NFAT5: variants seen among roughly 807,000 people sequenced by gnomAD.
NFAT5 encodes the protein nuclear factor of activated T-cells 5.
In NFAT5, 31 loss-of-function variants were observed where a neutral mutation model predicts 166.5. That is an observed-to-expected ratio of 0.19 (90% confidence interval 0.14 to 0.25). The LOEUF is 0.25. Ranked by LOEUF, NFAT5 falls within the 10% of genes least tolerant of loss-of-function variation. The pLI, the probability that NFAT5 is intolerant of heterozygous loss-of-function variation, is 1.00. For missense variants in NFAT5, 1,449 were observed against 1,821.8 expected (o/e 0.80, Z 3.72); for synonymous variants, 612 against 639.7 (o/e 0.96, Z 0.65).
chr16:69,640,228 T>TA (rs1274783371), intron 3 of NFAT5, among the ~76,000 whole-genome samples: 1 of 152,202 alleles, frequency 6.6e-6, no homozygotes, highest in Admixed American at 6.5e-5. Flanking sequence ...CAGAGACACT[T>TA]AACCCATCCA....
rs750546075 is a variant in NFAT5 at position 69,692,559 on chromosome 16, G to A, written c.2734G>A (p.Ala912Thr). The change falls in exon 13 of 15, where the codon GCC becomes ACC. Residue 912 changes from alanine to threonine, a missense_variant. Ala to Thr is a moderately conservative substitution (Grantham distance 58). Around this residue, in one of 7 missense-constraint regions of NFAT5, gnomAD observed 891 missense variants for 993.0 expected, o/e 0.90. Coordinates refer to ENST00000349945, the MANE Select transcript of NFAT5 (RefSeq NM_138713.4). The stretch of plus-strand genomic sequence containing the variant: ...GCAACAGCAAGTGATGGAATCTTCA[G>A]CCGCAATGGTGATGGAGATGCAACA... The part of the protein sequence containing the change: ...QQQQQVMESS[A>T]AMVMEMQQSI... The A allele has an allele frequency of 6.2e-7, 1 of 1,614,108 alleles. No homozygotes were observed. Among genetic ancestry groups the A allele is most frequent in the Non-Finnish European group, 8.5e-7 (1 of 1,180,028 alleles).
rs764724572 is a variant in NFAT5 at position 69,677,339 on chromosome 16, T to A, written c.1690+4T>A. The A allele has an allele frequency of 1.3e-6, 2 of 1,556,408 alleles. No homozygotes were observed. Among genetic ancestry groups the A allele is most frequent in the South Asian group, 2.5e-5 (2 of 80,954 alleles). On this transcript the variant is annotated splice_donor_region_variant and intron_variant, in intron 10 of 14. Coordinates refer to ENST00000349945, the MANE Select transcript of NFAT5 (RefSeq NM_138713.4). ...TTCACTTACACTCCAGACCCAGGTA[T>A]GTCAAAATGAAAAATTCAGAACTAA...
chr16:69,693,793 A>G lies in NFAT5; in HGVS notation c.3968A>G (p.Asn1323Ser), dbSNP rs754836325. 2 of 1,614,116 alleles carry G rather than the reference A, an allele frequency of 1.2e-6. No individual in the cohort carries two copies. Among genetic ancestry groups the G allele is most frequent in the Admixed American group, 3.3e-5 (2 of 60,000 alleles). ...QNPMANQEQQNQSIFHQQSNM... is the reference protein window; with the variant it reads ...QNPMANQEQQSQSIFHQQSNM... The stretch of plus-strand genomic sequence containing the variant: ...CCAATGGCTAATCAGGAGCAACAGA[A>G]CCAGTCAATTTTTCACCAACAAAGT... The change falls in exon 13 of 15, where the codon AAC becomes AGC. Residue 1323 changes from asparagine (N) to serine (S), a missense_variant. Physicochemically the swap from Asn to Ser is conservative, Grantham distance 46 (BLOSUM62 1). Coordinates refer to ENST00000349945, the MANE Select transcript of NFAT5 (RefSeq NM_138713.4).
chr16:69,596,627 A>C (rs2032806801), intron 2 of NFAT5, among the ~76,000 whole-genome samples: 1 of 151,388 alleles, frequency 6.6e-6, no homozygotes, highest in Non-Finnish European at 1.5e-5. Context: ...CTGACGCAGG[A>C]GAATCGCTTG....
At chr16:69,618,910 A>G (rs567387293) in intron 2 of NFAT5, among the ~76,000 whole-genome samples, 1 of 152,298 alleles carries the variant, frequency 6.6e-6, no homozygotes, top group African/African-American at 2.4e-5. Flanking sequence ...AAGCATTCCC[A>G]ACACAAAGGA....
chr16:69,686,880 C>G (rs1003722178), intron 11 of NFAT5, among the ~76,000 whole-genome samples: 1 of 123,534 alleles, frequency 8.1e-6, no homozygotes, highest in African/African-American at 3.4e-5. Flanking sequence ...ATATATAAAT[C>G]ACATATGAGA....
intron 2 of NFAT5, among the ~76,000 whole-genome samples, chr16:69,605,085 T>G (rs2033334974): frequency 6.6e-6 from 1 of 152,238 alleles, no homozygotes; most frequent in African/African-American, 2.4e-5. Context: ...AGAAGTTTTC[T>G]TTTTTAAAGG....
intron 6 of NFAT5, among the ~76,000 whole-genome samples, chr16:69,657,410 G>A (rs1281945358): frequency 2.0e-5 from 3 of 151,586 alleles, no homozygotes; most frequent in Non-Finnish European, 2.9e-5. Flanking sequence ...GATTACAGGC[G>A]TGAGCCACCG....
chr16:69,666,902 G>A (rs2036405698), intron 7 of NFAT5, among the ~76,000 whole-genome samples: 3 of 152,048 alleles, frequency 2.0e-5, no homozygotes, highest in Admixed American at 1.3e-4. Flanking sequence ...ATTCACAATA[G>A]CAAAGACTTG....
At position 69,701,366 on chromosome 16, in the gene NFAT5, T is replaced by A. The variant is rs2037895660; in HGVS notation, c.*5015T>A. The A allele has an allele frequency of 6.6e-6, 1 of 152,606 alleles. No individual in the cohort carries two copies. 9.5% of individuals were successfully genotyped at this position (152,606 alleles called of 1,614,324 possible). A position where few individuals can be genotyped will look rare whatever the true frequency, so the allele number is the denominator to read the frequency against. Reference sequence around the variant, plus strand: ...TTTAAATTAATATTTTATATCTAGATCTAATGCTATGGAAAAGTGCCTTTT... The same window carrying A: ...TTTAAATTAATATTTTATATCTAGAACTAATGCTATGGAAAAGTGCCTTTT... On this transcript the variant is annotated 3_prime_UTR_variant, in exon 15 of 15. Coordinates refer to ENST00000349945, the MANE Select transcript of NFAT5 (RefSeq NM_138713.4).
intron 2 of NFAT5, among the ~76,000 whole-genome samples, chr16:69,596,400 T>C (rs1441162351): frequency 1.3e-5 from 2 of 152,102 alleles, no homozygotes; most frequent in Admixed American, 6.5e-5. Flanking sequence ...TTGACACTGT[T>C]AGTCATTAGA....
At chr16:69,582,728 GTCTA>G (rs1171407918) in intron 2 of NFAT5, among the ~76,000 whole-genome samples, 5 of 143,750 alleles carry the variant, frequency 3.5e-5, no homozygotes, top group African/African-American at 1.3e-4. Context: ...TTATCTGTAT[GTCTA>G]TCCTGTGTCA....
At chr16:69,609,843 A>G (rs1174183624) in intron 2 of NFAT5, among the ~76,000 whole-genome samples, 1 of 149,380 alleles carries the variant, frequency 6.7e-6, no homozygotes, top group Non-Finnish European at 1.5e-5. Context: ...AAAAAAAAAG[A>G]AAAAAGAAAA....
At chr16:69,600,536 G>A (rs979244385) in intron 2 of NFAT5, among the ~76,000 whole-genome samples, 5 of 151,964 alleles carry the variant, frequency 3.3e-5, no homozygotes, top group African/African-American at 4.8e-5. Flanking sequence ...AGTTTTGGAG[G>A]AGCAGTGAAG....
At chr16:69,594,668 C>T (rs1409295670) in intron 2 of NFAT5, among the ~76,000 whole-genome samples, 1 of 152,040 alleles carries the variant, frequency 6.6e-6, no homozygotes, top group Non-Finnish European at 1.5e-5. Flanking sequence ...TACATACATA[C>T]CTGTGATAAA....
chr16:69,604,323 A>G lies in NFAT5; in HGVS notation c.128-22080A>G, dbSNP rs539654002. Among the ~76,000 whole-genome samples, 4 of 152,320 alleles carry G rather than the reference A, an allele frequency of 2.6e-5. No homozygotes were observed. In the South Asian group the frequency reaches 6.2e-4, roughly 24 times the overall value. On this transcript the variant is annotated intron_variant, in intron 2 of 14. Coordinates refer to ENST00000349945, the MANE Select transcript of NFAT5 (RefSeq NM_138713.4). ...GCTCTTGGTACCTTGTAGGTGCTCA[A>G]TTGAATTTTCTTTTATAATGGGCAG...
chr16:69,655,014 G>C (rs1002971451), intron 5 of NFAT5, among the ~76,000 whole-genome samples: 1 of 152,000 alleles, frequency 6.6e-6, no homozygotes, highest in Non-Finnish European at 1.5e-5. Flanking sequence ...ATTTATGAAG[G>C]CTTGCTAGAG....
chr16:69,663,564 TAAAAA>T (rs60161117), intron 7 of NFAT5, among the ~76,000 whole-genome samples: 1 of 91,986 alleles, frequency 1.1e-5, no homozygotes, highest in Non-Finnish European at 2.2e-5. Context: ...CCCATCTCTT[TAAAAA>T]AAAAAAAAAA....
chr16:69,641,279 A>T (rs1272887526), intron 3 of NFAT5, among the ~76,000 whole-genome samples: 1 of 48,984 alleles, frequency 2.0e-5, no homozygotes. Flanking sequence ...CTCCGTCTCA[A>T]AAAAAAAAAA....
Sources: allele counts gnomAD v4.1 joint callset (sites outside exome capture counted in the v4.1 genomes callset), GRCh38; gene constraint gnomAD v4.1.1; regional missense constraint gnomAD v4.1.1; transcripts MANE v1.5; gene names NCBI Gene and HGNC (gene_info 2026-07-23, HGNC 2026-07-21).